TMEM39B: variants seen among roughly 807,000 people sequenced by gnomAD.
The protein encoded by TMEM39B is transmembrane protein 39B.
TMEM39B carries 23 observed loss-of-function variants against 52.2 expected under a neutral mutation model. The ratio of observed to expected loss-of-function variants is 0.44; its 90% CI spans 0.32 to 0.62. TMEM39B has a LOEUF of 0.62. TMEM39B is among the 20% of genes least tolerant of loss of function. TMEM39B has a pLI of 0.06. For missense variants in TMEM39B, 547 were observed against 642.0 expected (o/e 0.85, Z 1.60); for synonymous variants, 285 against 264.0 (o/e 1.08, Z -0.77).
chr1:32,088,088 T>C (rs1640443316), intron 5 of TMEM39B, among the ~76,000 whole-genome samples: 1 of 148,236 alleles, frequency 6.7e-6, no homozygotes, highest in African/African-American at 2.5e-5. Context: ...ATCTCGCCAC[T>C]GTACTCCAGC....
Position 32,087,312 on chromosome 1 carries a change from C to T in TMEM39B, c.591-4363C>T, listed in dbSNP as rs796323881. On this transcript the variant is annotated intron_variant, in intron 5 of 8. Coordinates refer to ENST00000336294, the MANE Select transcript of TMEM39B (RefSeq NM_018056.4). The stretch of plus-strand genomic sequence containing the variant: ...CAGTCTGGGGCACAGAGTGAGACTC[C>T]GTCTCACAAAAAAAAAAAAAAAAAA... Among the ~76,000 whole-genome samples the T allele has an allele frequency of 1.5e-4, 16 of 109,640 alleles. No homozygotes were observed. The South Asian group carries it at 1.8e-3, about 13-fold the overall frequency. 71.9% of individuals were successfully genotyped at this position (109,640 alleles called of 152,430 possible). A position where few individuals can be genotyped will look rare whatever the true frequency, so the allele number is the denominator to read the frequency against.
chr1:32,086,925 T>G (rs896921820), intron 5 of TMEM39B: 1 of 151,016 alleles, frequency 6.6e-6, no homozygotes, highest in Admixed American at 6.6e-5. Context: ...ATATAAAAAT[T>G]AGTTGGGCAT....
intron 8 of TMEM39B, among the ~76,000 whole-genome samples, chr1:32,102,140 G>A (rs984168293): frequency 6.6e-6 from 1 of 152,124 alleles, no homozygotes; most frequent in Non-Finnish European, 1.5e-5. Flanking sequence ...CACAAAAAGA[G>A]TTTGAGAGAG....
chr1:32,073,422 A>C, intron 1 of TMEM39B: 5 of 479,184 alleles, frequency 1.0e-5, no homozygotes, highest in Non-Finnish European at 1.1e-5. Flanking sequence ...GAGGGGTTAC[A>C]CTGGGGGCGG....
In TMEM39B at chr1:32,094,117, CTTTTTTTTTTTT is replaced by C. The variant is rs796499631; in HGVS notation, c.928-651_928-640del. On this transcript the variant is annotated intron_variant, in intron 6 of 8. Coordinates refer to ENST00000336294, the MANE Select transcript of TMEM39B (RefSeq NM_018056.4). The stretch of plus-strand genomic sequence containing the variant: ...ACAGGTGTGAGCCACTGCGCCTGGC[CTTTTTTTTTTTT>C]TTTTTTTTTTTTTTTGAGGCGGAGT... 1.0e-4 allele frequency among the ~76,000 whole-genome samples: 3 copies of C among 29,804 alleles called. No individual in the cohort carries two copies. In the Admixed American group the frequency reaches 2.1e-3, roughly 21 times the overall value. 19.6% of individuals were successfully genotyped at this position (29,804 alleles called of 152,430 possible). A position where few individuals can be genotyped will look rare whatever the true frequency, so the allele number is the denominator to read the frequency against.
intron 5 of TMEM39B, among the ~76,000 whole-genome samples, chr1:32,078,861 G>A (rs554749752): frequency 1.3e-5 from 2 of 151,960 alleles, no homozygotes; most frequent in African/African-American, 4.8e-5. Flanking sequence ...GGCTGGTCTC[G>A]AACTCCTGGC....
Position 32,102,746 on chromosome 1 carries a change from AGTG to A in TMEM39B, c.*81_*83del. On this transcript the variant is annotated 3_prime_UTR_variant, in exon 9 of 9. Coordinates refer to ENST00000336294, the MANE Select transcript of TMEM39B (RefSeq NM_018056.4). ...CCCTGGCAAGGGGCTGTTGGGTAGA[AGTG>A]GTGGTGGGGGGGACAAAAGACAAAA... The A allele has an allele frequency of 3.6e-6, 5 of 1,398,014 alleles. No homozygotes were observed. Among genetic ancestry groups the A allele is most frequent in the Non-Finnish European group, 2.8e-6 (3 of 1,068,904 alleles). The allele number at this position is 1,398,014 out of a possible 1,614,324, so 86.6% of individuals were successfully genotyped here. A position where few individuals can be genotyped will look rare whatever the true frequency, so the allele number is the denominator to read the frequency against.
rs190820458 is a variant in TMEM39B at position 32,094,274 on chromosome 1, A to G, written c.928-510A>G. 6.0e-3 allele frequency among the ~76,000 whole-genome samples: 858 copies of G among 143,612 alleles called. 3 individuals carry two copies. Among genetic ancestry groups the G allele is most frequent in the African/African-American group, 0.02 (790 of 38,732 alleles). The allele number at this position is 143,612 out of a possible 152,430, so 94.2% of individuals were successfully genotyped here. On this transcript the variant is annotated intron_variant, in intron 6 of 8. Coordinates refer to ENST00000336294, the MANE Select transcript of TMEM39B (RefSeq NM_018056.4). ...CCTGAGTAGCTGGGACTACAGGCAC[A>G]CGCCACCACGCCCGGCTAATTTTTG...
In TMEM39B at chr1:32,075,072, C is replaced by T. The variant is rs1479616669; in HGVS notation, c.126C>T (p.Arg42=). The change falls in exon 2 of 9, where the codon CGC becomes CGT. Residue 42 remains arginine (R), a synonymous_variant. Coordinates refer to ENST00000336294, the MANE Select transcript of TMEM39B (RefSeq NM_018056.4). Reference sequence around the variant, plus strand: ...CATCGGTGACCAGTGTTCGTTCCCGCACCAGGTAAACCACCTCTCTGTCTC... The same window carrying T: ...CATCGGTGACCAGTGTTCGTTCCCGTACCAGGTAAACCACCTCTCTGTCTC... The part of the protein sequence containing the change: ...SSASVTSVRS[R]TRSSSGTGLS... 3.9e-6 allele frequency: 6 copies of T among 1,550,004 alleles called. No individual in the cohort carries two copies. Among genetic ancestry groups the T allele is most frequent in the Non-Finnish European group, 5.2e-6 (6 of 1,146,094 alleles).
chr1:32,075,854 G>GTGTGTGTGTGCGTGTGTGTGTA (rs1639833239), intron 3 of TMEM39B, 32 bp downstream of exon 3: 1 of 1,366,790 alleles, frequency 7.3e-7, no homozygotes, highest in African/African-American at 1.4e-5. Flanking sequence ...GTGTGTGTGT[G>GTGTGTGTGTGCGTGTGTGTGTA]TGTGTGTGTG....
At chr1:32,077,467 G>A in intron 5 of TMEM39B, 149 bp downstream of exon 5, 3 of 1,061,316 alleles carry the variant, frequency 2.8e-6, no homozygotes, top group South Asian at 1.6e-5. Flanking sequence ...CTCACTCACT[G>A]AGGTCAGGAT....
intron 5 of TMEM39B, among the ~76,000 whole-genome samples, chr1:32,090,785 G>A (rs917426304): frequency 1.3e-5 from 2 of 151,954 alleles, no homozygotes; most frequent in South Asian, 2.1e-4. Flanking sequence ...GACTACAGGC[G>A]CCCGCCACCA....
intron 6 of TMEM39B, among the ~76,000 whole-genome samples, chr1:32,093,661 C>T (rs1373152095): frequency 2.0e-5 from 3 of 151,856 alleles, no homozygotes; most frequent in African/African-American, 4.8e-5. Context: ...ATCCACCCAA[C>T]TTAGCCTCCC....
intron 7 of TMEM39B, among the ~76,000 whole-genome samples, chr1:32,097,767 C>A (rs1640866847): frequency 6.6e-6 from 1 of 152,094 alleles, no homozygotes; most frequent in Admixed American, 6.6e-5. Context: ...GCGTCAGCCT[C>A]CTGAGTAGCT....
At chr1:32,098,332 G>T (rs1640890906) in intron 7 of TMEM39B, among the ~76,000 whole-genome samples, 1 of 151,978 alleles carries the variant, frequency 6.6e-6, no homozygotes, top group Admixed American at 6.6e-5. Context: ...GAGTGAGTCA[G>T]CAAGGCAAGA....
At chr1:32,080,772 ATAT>A in intron 5 of TMEM39B, among the ~76,000 whole-genome samples, 1 of 151,928 alleles carries the variant, frequency 6.6e-6, no homozygotes, top group Non-Finnish European at 1.5e-5. Context: ...ACCCAATGTC[ATAT>A]TATGCTTTAT....
In TMEM39B at chr1:32,090,224, T is replaced by C. The variant is rs78129297; in HGVS notation, c.591-1451T>C. On this transcript the variant is annotated intron_variant, in intron 5 of 8. Transcript: ENST00000336294. Reference sequence around the variant, plus strand: ...AGTTTTTATAATTACTTTTCTAGACTATGGGCCCATCTAGTTTTCTCCGCA... The same window carrying C: ...AGTTTTTATAATTACTTTTCTAGACCATGGGCCCATCTAGTTTTCTCCGCA... 7.9e-3 allele frequency among the ~76,000 whole-genome samples: 1,207 copies of C among 152,146 alleles called. 16 individuals carry two copies. The highest frequency in any genetic ancestry group is 0.034 in the Middle Eastern group (10 of 294).
chr1:32,075,045 T>C lies in TMEM39B; in HGVS notation c.99T>C (p.Ser33=). The change falls in exon 2 of 9, where the codon AGT becomes AGC. Residue 33 remains serine (S), a synonymous_variant. Coordinates refer to ENST00000336294, the MANE Select transcript of TMEM39B (RefSeq NM_018056.4). Reference sequence around the variant, plus strand: ...GCTCTAGTGGAAGCCACACTTCCAGTGCATCGGTGACCAGTGTTCGTTCCC... The same window carrying C: ...GCTCTAGTGGAAGCCACACTTCCAGCGCATCGGTGACCAGTGTTCGTTCCC... ...SGGSSGSHTS[S]ASVTSVRSRT... 2.6e-6 allele frequency: 4 copies of C among 1,551,532 alleles called. No individual in the cohort carries two copies. Among genetic ancestry groups the C allele is most frequent in the Non-Finnish European group, 3.5e-6 (4 of 1,146,922 alleles).
At chr1:32,084,815 C>T (rs1317296128) in intron 5 of TMEM39B, among the ~76,000 whole-genome samples, 2 of 152,148 alleles carry the variant, frequency 1.3e-5, no homozygotes, top group East Asian at 3.8e-4. Flanking sequence ...ACCCACCCAC[C>T]TCAGCCTCCC....
Sources: allele counts gnomAD v4.1 joint callset (sites outside exome capture counted in the v4.1 genomes callset), GRCh38; gene constraint gnomAD v4.1.1; transcripts MANE v1.5; gene names NCBI Gene and HGNC (gene_info 2026-07-23, HGNC 2026-07-21).